The following SORCS2 variants were observed in gnomAD, a reference collection of about 807,000 sequenced individuals.
SORCS2 encodes sortilin related VPS10 domain containing receptor 2.
A neutral mutation model predicts 141.6 loss-of-function variants in SORCS2; 100 were observed. That is an observed-to-expected ratio of 0.71 (90% CI 0.60 to 0.83). The LOEUF (loss-of-function observed/expected upper bound fraction) is 0.83. Among genes scored for constraint, SORCS2 ranks in the 40% least tolerant of loss-of-function variants. SORCS2 has a pLI of 0.00. For synonymous variants in SORCS2, 789 were observed against 676.9 expected, an observed-to-expected ratio of 1.17 and a Z score of -2.57; for missense variants, 1,646 against 1,560.2, an observed-to-expected ratio of 1.05 and a Z score of -0.93.
At chr4:7,427,049 T>A (rs962219807) in intron 2 of SORCS2, among the ~76,000 whole-genome samples, 1 of 152,082 alleles carries the variant, frequency 6.6e-6, no homozygotes, top group Admixed American at 6.5e-5. Context: ...GGTGGTTCCA[T>A]TGAGCCCTCG....
chr4:7,490,827 C>T (rs1265803555), intron 2 of SORCS2, among the ~76,000 whole-genome samples: 3 of 152,090 alleles, frequency 2.0e-5, no homozygotes, highest in Non-Finnish European at 4.4e-5. Flanking sequence ...CCGCTGCACT[C>T]CTCCCAGGCC....
At position 7,357,770 on chromosome 4, in the gene SORCS2, G is replaced by C. The variant is rs145581987; in HGVS notation, c.481-38518G>C. On this transcript the variant is annotated intron_variant, in intron 1 of 26. Transcript: ENST00000507866. ...GGCCTGGCTGGGGAATGAATGCTGG[G>C]GTGGGGGGAGGTTTCTCATTTCAAT... Among the ~76,000 whole-genome samples, 892 of 152,286 alleles carry C rather than the reference G, an allele frequency of 5.9e-3. 1 individual carries two copies. Among genetic ancestry groups the C allele is most frequent in the Non-Finnish European group, 9.8e-3 (670 of 68,026 alleles).
intron 4 of SORCS2, among the ~76,000 whole-genome samples, chr4:7,653,030 T>A (rs62290672): frequency 0.14 from 21,428 of 151,748 alleles, 2,732 homozygotes; most frequent in African/African-American, 0.34. Context: ...GACAGTGCTC[T>A]GGGCGCCCAC....
At chr4:7,207,249 C>G (rs979617443) in intron 1 of SORCS2, among the ~76,000 whole-genome samples, 17 of 152,338 alleles carry the variant, frequency 1.1e-4, no homozygotes, top group Non-Finnish European at 2.2e-4. Context: ...TTCTTCCAAT[C>G]CACATCCACA....
At chr4:7,508,182 T>C (rs1387596809) in intron 2 of SORCS2, among the ~76,000 whole-genome samples, 1 of 130,876 alleles carries the variant, frequency 7.6e-6, no homozygotes, top group Non-Finnish European at 1.6e-5. Context: ...TAATAAAGCA[T>C]GTAGGGAGGA....
At chr4:7,596,867 A>C (rs951965004) in intron 3 of SORCS2, among the ~76,000 whole-genome samples, 2 of 152,118 alleles carry the variant, frequency 1.3e-5, no homozygotes, top group Admixed American at 6.5e-5. Flanking sequence ...CAGTGGAGAG[A>C]CCTAGAAAGC....
chr4:7,606,121 C>T (rs1028318100), intron 3 of SORCS2, among the ~76,000 whole-genome samples: 1 of 152,152 alleles, frequency 6.6e-6, no homozygotes, highest in Non-Finnish European at 1.5e-5. Flanking sequence ...CCATGAACCA[C>T]CCCTTCTTGA....
intron 3 of SORCS2, among the ~76,000 whole-genome samples, chr4:7,628,289 G>A (rs1808195): frequency 0.17 from 26,285 of 152,090 alleles, 2,506 homozygotes; most frequent in African/African-American, 0.25. Flanking sequence ...TTCGGAGGCC[G>A]AGGCGGGCGG....
At chr4:7,500,524 T>C (rs1731898814) in intron 2 of SORCS2, among the ~76,000 whole-genome samples, 1 of 152,070 alleles carries the variant, frequency 6.6e-6, no homozygotes, top group South Asian at 2.1e-4. Context: ...TAGCCAGTAT[T>C]CAAGTTAAGA....
intron 3 of SORCS2, among the ~76,000 whole-genome samples, chr4:7,593,571 C>A (rs181325324): frequency 2.0e-5 from 3 of 152,080 alleles, no homozygotes; most frequent in Non-Finnish European, 4.4e-5. Context: ...CTTCCGTCTT[C>A]GTGCCTGGCC....
chr4:7,738,311 G>A (rs1712364726), intron 26 of SORCS2, among the ~76,000 whole-genome samples: 1 of 152,218 alleles, frequency 6.6e-6, no homozygotes, highest in Admixed American at 6.5e-5. Flanking sequence ...AGGCGGTGTG[G>A]GCACTTTCCA....
intron 1 of SORCS2, among the ~76,000 whole-genome samples, chr4:7,211,239 G>T (rs1370788415): frequency 7.1e-6 from 1 of 140,670 alleles, no homozygotes; most frequent in African/African-American, 2.5e-5. Flanking sequence ...GGGAGGGAGG[G>T]AGGGAGGCAT....
chr4:7,241,045 C>T (rs1422067867), intron 1 of SORCS2, among the ~76,000 whole-genome samples: 3 of 152,224 alleles, frequency 2.0e-5, no homozygotes, highest in Non-Finnish European at 4.4e-5. Flanking sequence ...AGAGATTCTC[C>T]TGCCTCAGCC....
At chr4:7,412,675 C>A (rs1167965523) in intron 2 of SORCS2, among the ~76,000 whole-genome samples, 1 of 152,114 alleles carries the variant, frequency 6.6e-6, no homozygotes, top group African/African-American at 2.4e-5. Flanking sequence ...CCCATCAGCC[C>A]CTCCCCACCC....
chr4:7,345,003 C>G (rs574890145), intron 1 of SORCS2, among the ~76,000 whole-genome samples: 1 of 152,114 alleles, frequency 6.6e-6, no homozygotes, highest in Non-Finnish European at 1.5e-5. Context: ...CCCTGGGGAG[C>G]CTCGGCCTGT....
chr4:7,392,816 C>G (rs1012290467), intron 1 of SORCS2, among the ~76,000 whole-genome samples: 6 of 151,758 alleles, frequency 4.0e-5, no homozygotes, highest in African/African-American at 1.5e-4. Flanking sequence ...CTGCTGTGTG[C>G]GATGCCACAG....
At chr4:7,367,459 C>T (rs1721964602) in intron 1 of SORCS2, among the ~76,000 whole-genome samples, 1 of 152,216 alleles carries the variant, frequency 6.6e-6, no homozygotes, top group African/African-American at 2.4e-5. Context: ...GGAATGTGAG[C>T]CTGTCGGTGC....
intron 1 of SORCS2, among the ~76,000 whole-genome samples, chr4:7,304,669 C>T (rs902326481): frequency 6.6e-6 from 1 of 152,164 alleles, no homozygotes; most frequent in Non-Finnish European, 1.5e-5. Flanking sequence ...GGAGCAGAAG[C>T]CGTGGAGGCG....
At chr4:7,420,422 CCCAGGAGAG>C (rs1033702017) in intron 2 of SORCS2, among the ~76,000 whole-genome samples, 3 of 152,186 alleles carry the variant, frequency 2.0e-5, no homozygotes, top group Non-Finnish European at 4.4e-5. Flanking sequence ...GGGCACAGGT[CCCAGGAGAG>C]CTAGCTGAGA....
Sources: gnomAD v4.1 joint callset for allele counts (sites outside exome capture counted in the v4.1 genomes callset) on GRCh38, gnomAD v4.1.1 for gene constraint, MANE v1.5 for transcripts, NCBI Gene and HGNC (gene_info 2026-07-23, HGNC 2026-07-21) for gene names.